Variants in COG5 observed in about 807,000 individuals in gnomAD.
COG5 encodes conserved oligomeric Golgi complex subunit 5.
Under a neutral mutation model 110.4 loss-of-function variants are expected in COG5, and 86 were observed. The observed-to-expected ratio is 0.78, with a 90% CI of 0.65 to 0.93. The LOEUF is 0.93. COG5 is among the 40% of genes least tolerant of loss of function. COG5 has a pLI of 0.00. For missense variants in COG5, 1,077 were observed against 987.0 expected (o/e 1.09, Z -1.22); for synonymous variants, 360 against 334.6 (o/e 1.08, Z -0.83).
intron 6 of COG5, among the ~76,000 whole-genome samples, chr7:107,464,736 G>C (rs982679601): frequency 1.3e-5 from 2 of 152,096 alleles, no homozygotes; most frequent in Non-Finnish European, 2.9e-5. Context: ...CCGAACCAAA[G>C]AACTGTATTA....
intron 16 of COG5, among the ~76,000 whole-genome samples, chr7:107,256,079 T>C (rs76686695): frequency 0.02 from 3,027 of 152,294 alleles, 102 homozygotes; most frequent in African/African-American, 0.067. Context: ...AAAGAGATAC[T>C]GTCAACTACA....
At chr7:107,530,873 T>C (rs1441929098) in intron 5 of COG5, among the ~76,000 whole-genome samples, 1 of 151,954 alleles carries the variant, frequency 6.6e-6, no homozygotes, top group African/African-American at 2.4e-5. Context: ...AACACAAGCA[T>C]GGAAAACCAC....
At chr7:107,375,685 A>G (rs1814580731) in intron 7 of COG5, among the ~76,000 whole-genome samples, 1 of 151,764 alleles carries the variant, frequency 6.6e-6, no homozygotes, top group African/African-American at 2.4e-5. Context: ...TTTTTTAACT[A>G]GTTGTTTTTT....
chr7:107,342,774 G>A lies in COG5; in HGVS notation c.1027-18253C>T, dbSNP rs115054907. Among the ~76,000 whole-genome samples the A allele has an allele frequency of 5.3e-3, 804 of 152,262 alleles. 8 individuals carry two copies. Among genetic ancestry groups the A allele is most frequent in the African/African-American group, 0.018 (745 of 41,542 alleles). On this transcript the variant is annotated intron_variant, in intron 10 of 21. Transcript: ENST00000297135. ...ATGTTTATACGTTGCTTCTGGCAAT[G>A]TAAATTAGTTCAGCCATTATGGAGA...
intron 8 of COG5, 109 bp downstream of exon 8, chr7:107,372,486 T>TA: frequency 9.5e-7 from 1 of 1,050,188 alleles, no homozygotes; most frequent in Non-Finnish European, 1.4e-6. Flanking sequence ...TTCTGTCTAC[T>TA]AAAAAATGAG....
chr7:107,282,347 C>A (rs1470037061), intron 13 of COG5, among the ~76,000 whole-genome samples: 1 of 152,062 alleles, frequency 6.6e-6, no homozygotes, highest in African/African-American at 2.4e-5. Context: ...GGGAGAGATT[C>A]CTCTTTAACA....
intron 10 of COG5, 123 bp downstream of exon 10, chr7:107,361,910 A>G: frequency 1.5e-6 from 1 of 684,514 alleles, no homozygotes; most frequent in South Asian, 1.7e-5. Context: ...GTCAAGAAAT[A>G]CACTTCTCTA....
At chr7:107,205,712 C>G (rs1334308905) in intron 21 of COG5, among the ~76,000 whole-genome samples, 1 of 152,154 alleles carries the variant, frequency 6.6e-6, no homozygotes, top group African/African-American at 2.4e-5. Context: ...TCTTAGGACT[C>G]GGCTTCAATG....
intron 6 of COG5, among the ~76,000 whole-genome samples, chr7:107,424,102 G>A (rs924060513): frequency 8.6e-5 from 13 of 151,784 alleles, no homozygotes; most frequent in South Asian, 2.1e-4. Flanking sequence ...ATGAAACCCC[G>A]TCTCTACTTG....
rs1034863747 is a variant in COG5 at position 107,329,459 on chromosome 7, C to T, written c.1027-4938G>A. ...ATCTATTTATACAGATATGTATATGCTGTGTATGTATGATGTATCCCTATA... is the reference window on the plus strand; with the variant it reads ...ATCTATTTATACAGATATGTATATGTTGTGTATGTATGATGTATCCCTATA... On this transcript the variant is annotated intron_variant, in intron 10 of 21. Transcript: ENST00000297135. 4.6e-5 allele frequency among the ~76,000 whole-genome samples: 7 copies of T among 152,120 alleles called. No homozygotes were observed. In the East Asian group the frequency reaches 1.4e-3, roughly 29 times the overall value.
chr7:107,510,128 T>A (rs1043433577), intron 6 of COG5, among the ~76,000 whole-genome samples: 2 of 151,830 alleles, frequency 1.3e-5, no homozygotes, highest in Non-Finnish European at 2.9e-5. Flanking sequence ...TCAAGACCCA[T>A]CAGTGTGCTG....
intron 11 of COG5, among the ~76,000 whole-genome samples, chr7:107,311,006 T>G (rs1192708342): frequency 6.6e-6 from 1 of 152,252 alleles, no homozygotes; most frequent in Admixed American, 6.5e-5. Context: ...TTTGTTTAAC[T>G]AATGTCACAA....
Position 107,203,552 on chromosome 7 carries a change from AAC to A in COG5, c.2452_2453del (p.Val818SerfsTer15), listed in dbSNP as rs1798517470. Reference sequence around the variant, plus strand: ...CAGACATAGCCTTTTGAAGCAGCTGAACCATTATGGGATAAACTGGTGCAAAT... The same window carrying A: ...CAGACATAGCCTTTTGAAGCAGCTGACATTATGGGATAAACTGGTGCAAAT... ...KEFAPVYPIM[V>X]QLLQKAMSAL... On this transcript the variant is annotated frameshift_variant, in exon 22 of 22. Coordinates refer to ENST00000297135, the MANE Select transcript of COG5 (RefSeq NM_006348.5). LOFTEE classifies it high-confidence loss of function. 1.9e-6 allele frequency: 3 copies of A among 1,613,988 alleles called. No individual in the cohort carries two copies. In the East Asian group the frequency reaches 6.7e-5, roughly 36 times the overall value.
At chr7:107,263,210 T>C (rs1803517006) in intron 14 of COG5, among the ~76,000 whole-genome samples, 1 of 152,236 alleles carries the variant, frequency 6.6e-6, no homozygotes. Flanking sequence ...TCAGCCACTT[T>C]AACCTTTACT....
intron 7 of COG5, among the ~76,000 whole-genome samples, chr7:107,394,844 A>G (rs1790874424): frequency 6.6e-6 from 1 of 152,262 alleles, no homozygotes; most frequent in Admixed American, 6.5e-5. Context: ...TCCTTGTATC[A>G]TGAGGACTAA....
chr7:107,207,861 C>T, intron 21 of COG5: 1 of 985,384 alleles, frequency 1.0e-6, no homozygotes. Context: ...TTCACTATTT[C>T]CCATTTATTC....
chr7:107,406,156 A>G (rs909290097), intron 7 of COG5, among the ~76,000 whole-genome samples: 1 of 152,168 alleles, frequency 6.6e-6, no homozygotes, highest in African/African-American at 2.4e-5. Context: ...TGATAATATG[A>G]TACATATGGC....
At chr7:107,517,240 T>C (rs1404409405) in intron 6 of COG5, among the ~76,000 whole-genome samples, 2 of 151,828 alleles carry the variant, frequency 1.3e-5, no homozygotes, top group Non-Finnish European at 2.9e-5. Flanking sequence ...GAAGAAAGGA[T>C]ATCAGAGTCT....
chr7:107,222,652 T>C (rs747541090), intron 19 of COG5, among the ~76,000 whole-genome samples: 3 of 152,214 alleles, frequency 2.0e-5, no homozygotes, highest in Non-Finnish European at 2.9e-5. Context: ...TGAAAGAACA[T>C]AGCTTGAGCA....
Sources: allele counts gnomAD v4.1 joint callset (sites outside exome capture counted in the v4.1 genomes callset), GRCh38; gene constraint gnomAD v4.1.1; transcripts MANE v1.5; gene names NCBI Gene and HGNC (gene_info 2026-07-23, HGNC 2026-07-21).